The following SORBS2 variants were observed in gnomAD, a reference collection of about 807,000 sequenced individuals.
The protein encoded by SORBS2 is sorbin and SH3 domain-containing protein 2.
A neutral mutation model predicts 97.7 loss-of-function variants in SORBS2; 46 were observed. The observed-to-expected ratio is 0.47, with a 90% CI of 0.37 to 0.60. SORBS2 has a LOEUF of 0.60. SORBS2 is among the 20% of genes least tolerant of loss of function. The pLI is 0.00. For missense variants in SORBS2, 1,316 were observed against 1,282.3 expected, an observed-to-expected ratio of 1.03 and a Z score of -0.40; for synonymous variants, 476 against 473.4, an observed-to-expected ratio of 1.01 and a Z score of -0.07.
intron 8 of SORBS2, among the ~76,000 whole-genome samples, chr4:185,619,242 T>C (rs2096673947): frequency 1.3e-5 from 2 of 152,156 alleles, no homozygotes; most frequent in Admixed American, 1.3e-4. Flanking sequence ...GTGCCCATCC[T>C]CAAACTCTGG....
rs574804229 is a variant in SORBS2, at chr4:185,853,813, C to T, written c.-337-78447G>A. ...CCTGGAATGAGTTTTGAGGAAGAAA[C>T]AGAGGGAAAATCATTTTTGTATTTA... On this transcript the variant is annotated intron_variant, in intron 1 of 20. Transcript: ENST00000284776. Among the ~76,000 whole-genome samples the T allele has an allele frequency of 2.6e-5, 4 of 152,084 alleles. No homozygotes were observed. The East Asian group carries it at 7.7e-4, about 29-fold the overall frequency.
chr4:185,864,022 T>G (rs536771157), intron 1 of SORBS2, among the ~76,000 whole-genome samples: 46 of 152,358 alleles, frequency 3.0e-4, no homozygotes, highest in African/African-American at 1.1e-3. Flanking sequence ...TCCTATTTAT[T>G]GTGGTCTGCA....
At chr4:185,704,306 AT>A (rs1200272541) in intron 2 of SORBS2, among the ~76,000 whole-genome samples, 1 of 151,864 alleles carries the variant, frequency 6.6e-6, no homozygotes, top group African/African-American at 2.4e-5. Context: ...TTCATTCATT[AT>A]TTTTTACAAT....
At chr4:185,620,319 G>T (rs2096699781) in intron 7 of SORBS2, among the ~76,000 whole-genome samples, 168 bp from the exon 20 acceptor site, 2 of 152,142 alleles carry the variant, frequency 1.3e-5, no homozygotes, top group Non-Finnish European at 2.9e-5. Context: ...TGTGAAATAA[G>T]ACACAAAACA....
chr4:185,915,867 G>A (rs2099257860), intron 1 of SORBS2, among the ~76,000 whole-genome samples: 2 of 152,164 alleles, frequency 1.3e-5, no homozygotes, highest in African/African-American at 4.8e-5. Context: ...TGAAGATTTG[G>A]GATCTTGCAA....
intron 2 of SORBS2, among the ~76,000 whole-genome samples, chr4:185,748,553 G>C (rs995348501): frequency 6.6e-6 from 1 of 152,184 alleles, no homozygotes; most frequent in African/African-American, 2.4e-5. Context: ...AGCTTAGCAA[G>C]GGAGGCCTCA....
intron 1 of SORBS2, among the ~76,000 whole-genome samples, chr4:185,898,051 G>T (rs1475108749): frequency 1.3e-5 from 2 of 152,146 alleles, no homozygotes; most frequent in African/African-American, 2.4e-5. Flanking sequence ...AAACAAAAAA[G>T]CTCAGGAGTT....
chr4:185,690,498 T>G, intron 2 of SORBS2, 64 bp downstream of exon 4: 1 of 1,081,496 alleles, frequency 9.2e-7, no homozygotes, highest in Non-Finnish European at 1.3e-6. Flanking sequence ...AAACTAATGA[T>G]TTAGGGCCAA....
intron 12 of SORBS2, among the ~76,000 whole-genome samples, chr4:185,603,915 GA>G (rs1270380849): frequency 6.6e-6 from 1 of 152,096 alleles, no homozygotes; most frequent in East Asian, 1.9e-4. Context: ...CACTTTTGTG[GA>G]AGAACAAGGC....
exon 7 of SORBS2, chr4:185,624,272 C>T: frequency 1.9e-6 from 3 of 1,614,142 alleles, no homozygotes; most frequent in East Asian, 2.2e-5. Flanking sequence ...GTCACAGCTC[C>T]GGGATTTGAT....
intron 13 of SORBS2, chr4:185,592,170 T>C (rs1215937681): frequency 1.3e-5 from 2 of 152,520 alleles, no homozygotes; most frequent in African/African-American, 2.4e-5. Flanking sequence ...CTCGATAACT[T>C]GCAACTTTTT....
Position 185,623,043 on chromosome 4 carries a change from G to A in SORBS2, c.2086C>T (p.Pro696Ser). 1 of 1,614,184 alleles carries A rather than the reference G, an allele frequency of 6.2e-7. No homozygotes were observed. Among genetic ancestry groups the A allele is most frequent in the Non-Finnish European group, 8.5e-7 (1 of 1,180,040 alleles). Residue 696 changes from proline (P) to serine (S), a missense_variant, in exon 7 of 15, where the codon CCC becomes TCC. Pro to Ser is a moderately conservative substitution (Grantham distance 74). Transcript: ENST00000418609. This position sits in a 1 kb window ranked among gnomAD's most constrained non-coding sequence, Gnocchi z 6.4. ...GGTGGACAATGAATAGCACCATCGGGAGGCAGTGGGTGGAGAGGCTGGTGC... is the reference window on the plus strand; with the variant it reads ...GGTGGACAATGAATAGCACCATCGGAAGGCAGTGGGTGGAGAGGCTGGTGC...
intron 1 of SORBS2, among the ~76,000 whole-genome samples, chr4:185,831,628 G>T (rs933949589): frequency 6.6e-6 from 1 of 152,172 alleles, no homozygotes; most frequent in African/African-American, 2.4e-5. Flanking sequence ...TCCATGAAGG[G>T]TTACTAAGTT....
At chr4:185,792,544 AAGGAAGGAAGGAAGGGG>A (rs1022767095) in intron 1 of SORBS2, among the ~76,000 whole-genome samples, 2 of 151,906 alleles carry the variant, frequency 1.3e-5, no homozygotes, top group African/African-American at 4.8e-5. Flanking sequence ...GGAGGGAAGG[AAGGAAGGAAGGAAGGGG>A]AGGAGGGAAG....
At chr4:185,617,475 A>G (rs977927096) in intron 9 of SORBS2, among the ~76,000 whole-genome samples, 4 of 152,116 alleles carry the variant, frequency 2.6e-5, no homozygotes, top group African/African-American at 9.7e-5. Flanking sequence ...CAGTTTCTAG[A>G]GCTATTAACT....
At chr4:185,883,631 A>T (rs1015845708) in intron 1 of SORBS2, among the ~76,000 whole-genome samples, 1 of 152,250 alleles carries the variant, frequency 6.6e-6, no homozygotes, top group Middle Eastern at 3.2e-3. Context: ...TGGTGAATAC[A>T]CAAACAAAAT....
chr4:185,808,614 T>C (rs1380406552), intron 1 of SORBS2, among the ~76,000 whole-genome samples: 1 of 152,198 alleles, frequency 6.6e-6, no homozygotes. Flanking sequence ...GGTACTCAAG[T>C]TGTAGGGTAA....
intron 1 of SORBS2, among the ~76,000 whole-genome samples, chr4:185,948,510 ATT>A (rs34637572): frequency 3.6e-3 from 316 of 87,762 alleles, no homozygotes; most frequent in East Asian, 0.018. Flanking sequence ...ATGAATTTCA[ATT>A]TTTTTTTTTT....
At chr4:185,672,550 G>A (rs1171517397) in intron 4 of SORBS2, among the ~76,000 whole-genome samples, 1 of 152,194 alleles carries the variant, frequency 6.6e-6, no homozygotes, top group Non-Finnish European at 1.5e-5. Flanking sequence ...TTTCTGGTCT[G>A]TTTGTAGGAG....
Sources: allele counts gnomAD v4.1 joint callset (sites outside exome capture counted in the v4.1 genomes callset), GRCh38; gene constraint gnomAD v4.1.1; non-coding constraint Gnocchi (gnomAD v3.1); transcripts MANE v1.5; gene names NCBI Gene and HGNC (gene_info 2026-07-23, HGNC 2026-07-21).